Variants in EPB41L4A observed in about 807,000 individuals in gnomAD.
EPB41L4A encodes the protein band 4.1-like protein 4A.
Under a neutral mutation model 108.6 loss-of-function variants are expected in EPB41L4A, and 100 were observed. The ratio of observed to expected loss-of-function variants is 0.92; its 90% CI spans 0.78 to 1.09. The LOEUF (loss-of-function observed/expected upper bound fraction) is 1.09. Among genes scored for constraint, EPB41L4A ranks in the 50% least tolerant of loss-of-function variants. The pLI is 0.00. For synonymous variants in EPB41L4A, 319 were observed against 289.0 expected, an observed-to-expected ratio of 1.10 and a Z score of -1.05; for missense variants, 1,030 against 842.7, an observed-to-expected ratio of 1.22 and a Z score of -2.75.
At chr5:112,401,519 C>T (rs936913365) in intron 1 of EPB41L4A, among the ~76,000 whole-genome samples, 4 of 152,188 alleles carry the variant, frequency 2.6e-5, no homozygotes, top group Non-Finnish European at 5.9e-5. Flanking sequence ...CATGTGACAG[C>T]AAATATGTAA....
chr5:112,276,737 A>C (rs1403797836), intron 3 of EPB41L4A, among the ~76,000 whole-genome samples: 1 of 152,174 alleles, frequency 6.6e-6, no homozygotes, highest in Non-Finnish European at 1.5e-5. Flanking sequence ...AACAAGAATA[A>C]AGGTATCATG....
At chr5:112,379,131 G>A (rs1350915005) in intron 1 of EPB41L4A, among the ~76,000 whole-genome samples, 1 of 152,174 alleles carries the variant, frequency 6.6e-6, no homozygotes, top group African/African-American at 2.4e-5. Flanking sequence ...AGCACCCTGG[G>A]GGGGTCAAGC....
At chr5:112,341,298 A>T (rs1757300427) in intron 1 of EPB41L4A, among the ~76,000 whole-genome samples, 1 of 152,208 alleles carries the variant, frequency 6.6e-6, no homozygotes, top group African/African-American at 2.4e-5. Context: ...TTTGATTATA[A>T]TGCCTTAACC....
intron 12 of EPB41L4A, among the ~76,000 whole-genome samples, chr5:112,231,791 CAAAAAAA>C (rs777370941): frequency 3.7e-4 from 14 of 37,622 alleles, no homozygotes; most frequent in Non-Finnish European, 4.9e-4. Context: ...GACTCCGTCT[CAAAAAAA>C]AAAAAAAAAA....
chr5:112,417,261 T>C (rs1762770743), intron 1 of EPB41L4A, among the ~76,000 whole-genome samples: 1 of 152,248 alleles, frequency 6.6e-6, no homozygotes, highest in South Asian at 2.1e-4. Flanking sequence ...TGATCCCAAG[T>C]CCTGGCTGCT....
chr5:112,234,328 G>A (rs1446639663), intron 12 of EPB41L4A, among the ~76,000 whole-genome samples: 1 of 151,708 alleles, frequency 6.6e-6, no homozygotes, highest in Non-Finnish European at 1.5e-5. Context: ...GCAGCAGTGA[G>A]CTATAATCAT....
At chr5:112,277,944 C>T (rs1375312956) in intron 3 of EPB41L4A, among the ~76,000 whole-genome samples, 1 of 152,118 alleles carries the variant, frequency 6.6e-6, no homozygotes, top group Non-Finnish European at 1.5e-5. Flanking sequence ...AATATTGTTT[C>T]ACTTTAGCAA....
At chr5:112,261,589 G>A (rs1751486294) in intron 7 of EPB41L4A, among the ~76,000 whole-genome samples, 1 of 151,664 alleles carries the variant, frequency 6.6e-6, no homozygotes, top group African/African-American at 2.4e-5. Context: ...GTAGCTCAAA[G>A]GTTAAAACCC....
At position 112,147,556 on chromosome 5, in the gene EPB41L4A, C is replaced by T. The variant is rs987661200; in HGVS notation, n.995-1558G>A. Among the ~76,000 whole-genome samples the T allele has an allele frequency of 8.6e-5, 13 of 150,984 alleles. No homozygotes were observed. In the East Asian group the frequency reaches 1.2e-3, roughly 14 times the overall value. Reference sequence around the variant, plus strand: ...TTGGGAGGCTGAGGCAGTAGAATCACGAACCCGGGAGGCAAAGGCTGCAGT... The same window carrying T: ...TTGGGAGGCTGAGGCAGTAGAATCATGAACCCGGGAGGCAAAGGCTGCAGT... On this transcript the variant is annotated intron_variant and non_coding_transcript_variant, in intron 12 of 13. Coordinates refer to the EPB41L4A transcript ENST00000507810.
intron 1 of EPB41L4A, among the ~76,000 whole-genome samples, chr5:112,384,380 AACT>A (rs921813350): frequency 8.5e-5 from 13 of 152,348 alleles, no homozygotes; most frequent in African/African-American, 2.9e-4. Flanking sequence ...TTAAAATTAG[AACT>A]ACTTTAACCT....
At chr5:112,362,573 A>T (rs1196023819) in intron 1 of EPB41L4A, among the ~76,000 whole-genome samples, 1 of 152,128 alleles carries the variant, frequency 6.6e-6, no homozygotes, top group African/African-American at 2.4e-5. Flanking sequence ...GAGCCACCGC[A>T]CCCAGACTTA....
chr5:112,419,336 CG>C, upstream of EPB41L4A: 1 of 334,746 alleles, frequency 3.0e-6, no homozygotes, highest in Non-Finnish European at 5.5e-6. Flanking sequence ...CCTCCGAAGG[CG>C]GGGGCGCGGG....
In EPB41L4A at chr5:112,184,019, C is replaced by T. The variant is rs200134609; in HGVS notation, c.1619G>A (p.Arg540His). ...PNNRRSRHRS[R>H]SRSPDIQAKE... The stretch of plus-strand genomic sequence containing the variant: ...GGTATAAAAAGAGTCCACATACGAA[C>T]GAGATCTGTGTCTGGATCGCCTGTT... Residue 540 changes from arginine (R) to histidine (H), a missense_variant, in exon 18 of 23, where the codon CGT becomes CAT. Arg to His is a conservative substitution (Grantham distance 29). Coordinates refer to ENST00000261486, the MANE Select transcript of EPB41L4A (RefSeq NM_022140.5). 5.9e-5 allele frequency: 95 copies of T among 1,613,860 alleles called. 1 individual carries two copies. The highest frequency in any genetic ancestry group is 6.6e-5 in the South Asian group (6 of 91,066).
intron 1 of EPB41L4A, among the ~76,000 whole-genome samples, chr5:112,347,761 T>C (rs1757777947): frequency 6.6e-6 from 1 of 152,208 alleles, no homozygotes; most frequent in Non-Finnish European, 1.5e-5. Context: ...GTCAAGCACC[T>C]GAGCAGCCAC....
chr5:112,352,531 T>C (rs1181082950), intron 1 of EPB41L4A, among the ~76,000 whole-genome samples: 4 of 152,240 alleles, frequency 2.6e-5, no homozygotes, highest in Non-Finnish European at 5.9e-5. Context: ...GGATAGACTA[T>C]ATGTGAAGCC....
chr5:112,240,588 G>T (rs527895309), intron 10 of EPB41L4A, 131 bp downstream of exon 10: 38 of 579,706 alleles, frequency 6.6e-5, no homozygotes, highest in Non-Finnish European at 1.0e-4. Context: ...ATAATCCAGA[G>T]AATTAGGAAT....
rs77025286 is a variant in EPB41L4A at position 112,156,539 on chromosome 5, C to A, written n.994+1862G>T. ...AGGCCCTCAAAGGATTAAGTGATGC[C>A]ACCCACATTGAGGAAGTACATCTCC... On this transcript the variant is annotated intron_variant and non_coding_transcript_variant, in intron 12 of 13. Coordinates refer to the EPB41L4A transcript ENST00000507810. Among the ~76,000 whole-genome samples the A allele has an allele frequency of 4.9e-3, 742 of 152,272 alleles. 7 individuals carry two copies. The highest frequency in any genetic ancestry group is 0.012 in the Admixed American group (184 of 15,296).
Position 112,209,873 on chromosome 5 carries a change from T to G in EPB41L4A, c.1178+19A>C. Reference sequence around the variant, plus strand: ...ACAACAGCATATAATTGTACGTTTCTTCAGTTAACTTCACTGACCTTTTTA... The same window carrying G: ...ACAACAGCATATAATTGTACGTTTCGTCAGTTAACTTCACTGACCTTTTTA... On this transcript the variant is annotated intron_variant, in intron 13 of 22. Transcript: ENST00000261486. The G allele has an allele frequency of 4.8e-6, 7 of 1,469,868 alleles. No homozygotes were observed. The highest frequency in any genetic ancestry group is 6.6e-6 in the Non-Finnish European group (7 of 1,056,568). The allele number at this position is 1,469,868 out of a possible 1,614,324, so 91.1% of individuals were successfully genotyped here.
In EPB41L4A at chr5:112,297,700, C is replaced by A. The variant is rs555666379; in HGVS notation, c.204+9686G>T. On this transcript the variant is annotated intron_variant, in intron 2 of 22. Coordinates refer to ENST00000261486, the MANE Select transcript of EPB41L4A (RefSeq NM_022140.5). ...GCTTTTGGGTTCTTGGTCATGAAAT[C>A]TTTGCCTAAGCCAATGTCTAGAAGG... 2.0e-5 allele frequency among the ~76,000 whole-genome samples: 3 copies of A among 152,270 alleles called. No homozygotes were observed. In the South Asian group the frequency reaches 6.2e-4, roughly 32 times the overall value.
Sources: gnomAD v4.1 joint callset for allele counts (sites outside exome capture counted in the v4.1 genomes callset) on GRCh38, gnomAD v4.1.1 for gene constraint, MANE v1.5 for transcripts, NCBI Gene and HGNC (gene_info 2026-07-23, HGNC 2026-07-21) for gene names.